The following MTF1 variants were observed in gnomAD, a reference collection of about 807,000 sequenced individuals.
MTF1 encodes metal regulatory transcription factor 1.
Under a neutral mutation model 70.4 loss-of-function variants are expected in MTF1, and 22 were observed. That is an observed-to-expected ratio of 0.31 (90% CI 0.22 to 0.45). The LOEUF (loss-of-function observed/expected upper bound fraction) is 0.45. Among genes scored for constraint, MTF1 ranks in the 20% least tolerant of loss-of-function variants. The pLI, the probability that MTF1 is intolerant of heterozygous loss-of-function variation, is 1.00. For missense variants in MTF1, 649 were observed against 922.0 expected (o/e 0.70, Z 3.83); for synonymous variants, 333 against 352.8 (o/e 0.94, Z 0.63).
chr1:37,819,385 G>C (rs1640874793), intron 9 of MTF1, among the ~76,000 whole-genome samples: 2 of 152,170 alleles, frequency 1.3e-5, no homozygotes, highest in African/African-American at 4.8e-5. Flanking sequence ...CACTTTGGGA[G>C]GCCAAAGCGG....
Position 37,812,836 on chromosome 1 carries a change from G to A in MTF1, c.*2300C>T, listed in dbSNP as rs1455285852. ...CTACCTCAAAACTTCCCATGGGTGC[G>A]AGGCCCAGAGACAGCCAAGGACAAC... On this transcript the variant is annotated 3_prime_UTR_variant, in exon 11 of 11. Transcript: ENST00000373036. The A allele has an allele frequency of 3.3e-5, 5 of 152,232 alleles. No homozygotes were observed. The highest frequency in any genetic ancestry group is 4.4e-5 in the Non-Finnish European group (3 of 68,070). 9.4% of individuals were successfully genotyped at this position (152,232 alleles called of 1,614,324 possible).
rs139035957 is a variant in MTF1, at chr1:37,820,484, C to T, written c.1767+1637G>A. ...CCAGTCACTTAACCTCTCTGGACCTCTGCTCTCCATTGGGAAAATTAGACC... is the reference window on the plus strand; with the variant it reads ...CCAGTCACTTAACCTCTCTGGACCTTTGCTCTCCATTGGGAAAATTAGACC... On this transcript the variant is annotated intron_variant, in intron 9 of 10. Coordinates refer to ENST00000373036, the MANE Select transcript of MTF1 (RefSeq NM_005955.3). 9.2e-3 allele frequency among the ~76,000 whole-genome samples: 1,401 copies of T among 152,324 alleles called. 20 individuals carry two copies. Among genetic ancestry groups the T allele is most frequent in the African/African-American group, 0.032 (1,331 of 41,572 alleles).
rs766621404 is a variant in MTF1, at chr1:37,819,951, C to CAAAAA, written c.1767+2165_1767+2169dup. 7.3e-4 allele frequency among the ~76,000 whole-genome samples: 60 copies of CAAAAA among 82,666 alleles called. 1 individual carries two copies. The highest frequency in any genetic ancestry group is 1.4e-3 in the East Asian group (4 of 2,812). 54.2% of individuals were successfully genotyped at this position (82,666 alleles called of 152,430 possible). ...TAGGCAACAGAGCAAGACTCTGACT[C>CAAAAA]AAAAAAAAAAAAAAAAAAAAAAAAA... On this transcript the variant is annotated intron_variant, in intron 9 of 10. Transcript: ENST00000373036.
chr1:37,836,458 A>G (rs753261859), intron 4 of MTF1, among the ~76,000 whole-genome samples: 2 of 152,122 alleles, frequency 1.3e-5, no homozygotes, highest in Non-Finnish European at 2.9e-5. Context: ...CAATCAGAAG[A>G]TAGGCTCAAG....
At chr1:37,845,690 A>C (rs1641321612) in intron 2 of MTF1, among the ~76,000 whole-genome samples, 1 of 152,096 alleles carries the variant, frequency 6.6e-6, no homozygotes. Flanking sequence ...TTTTTTGTAG[A>C]GATGGGGTCT....
chr1:37,853,690 T>C (rs377491983), intron 2 of MTF1, among the ~76,000 whole-genome samples: 1 of 152,224 alleles, frequency 6.6e-6, no homozygotes, highest in Non-Finnish European at 1.5e-5. Context: ...AAATTGTATG[T>C]ATTCTTTAAG....
Position 37,859,553 on chromosome 1 carries a change from GGCA to G in MTF1, c.-77_-75del, listed in dbSNP as rs1641571916. ...TACCTCCGCGGCTCCCGGCAACGGC[GGCA>G]GCAGCAGCTTCTCCCCTCCCCAGCG... On this transcript the variant is annotated 5_prime_UTR_variant, in exon 1 of 11. Transcript: ENST00000373036. 1.0e-5 allele frequency: 4 copies of G among 399,034 alleles called. No individual in the cohort carries two copies. Among genetic ancestry groups the G allele is most frequent in the Non-Finnish European group, 1.8e-5 (4 of 226,420 alleles). The allele number at this position is 399,034 out of a possible 1,614,324, so 24.7% of individuals were successfully genotyped here. A position where few individuals can be genotyped will look rare whatever the true frequency, so the allele number is the denominator to read the frequency against.
chr1:37,814,962 T>C lies in MTF1; in HGVS notation c.*174A>G. On this transcript the variant is annotated 3_prime_UTR_variant, in exon 11 of 11. Transcript: ENST00000373036. ...TTGTTTTTTGTTTTTTTCCAAAGAA[T>C]AGTTCCTTAAAATGGATGCTCCTGG... 1 of 610,446 alleles carries C rather than the reference T, an allele frequency of 1.6e-6. No individual in the cohort carries two copies. The allele number at this position is 610,446 out of a possible 1,614,324, so 37.8% of individuals were successfully genotyped here.
intron 2 of MTF1, among the ~76,000 whole-genome samples, chr1:37,856,455 T>A (rs1641496170): frequency 6.7e-6 from 1 of 149,142 alleles, no homozygotes; most frequent in Admixed American, 6.7e-5. Context: ...CAGAAAGTGT[T>A]AGGATTACAG....
At chr1:37,827,951 G>A (rs1170422259) in intron 7 of MTF1, among the ~76,000 whole-genome samples, 1 of 152,066 alleles carries the variant, frequency 6.6e-6, no homozygotes, top group African/African-American at 2.4e-5. Flanking sequence ...TATTCATAAT[G>A]GCTCCAAACT....
rs1237121344 is a variant in MTF1, at chr1:37,815,079, T to C, written c.*57A>G. 2.1e-6 allele frequency: 3 copies of C among 1,429,360 alleles called. No individual in the cohort carries two copies. The highest frequency in any genetic ancestry group is 2.3e-5 in the East Asian group (1 of 43,698). The allele number at this position is 1,429,360 out of a possible 1,614,324, so 88.5% of individuals were successfully genotyped here. The stretch of plus-strand genomic sequence containing the variant: ...ATTTCTGACCCATGATGGCAGGCAT[T>C]GTACCTCATGCCTCCTGCTCACCCG... On this transcript the variant is annotated 3_prime_UTR_variant, in exon 11 of 11. Transcript: ENST00000373036. The surrounding 1 kb of genome is among the most constrained non-coding windows in gnomAD (Gnocchi z 4.5).
In MTF1 at chr1:37,825,528, C is replaced by T. The variant is rs375698418; in HGVS notation, c.1069-1716G>A. On this transcript the variant is annotated intron_variant, in intron 7 of 10. Coordinates refer to ENST00000373036, the MANE Select transcript of MTF1 (RefSeq NM_005955.3). The stretch of plus-strand genomic sequence containing the variant: ...CTGGGATTATAGGTGTGAGCCACCA[C>T]ATCAGACCCAGAAATTTTGATTTTT... Among the ~76,000 whole-genome samples, 24 of 152,320 alleles carry T rather than the reference C, an allele frequency of 1.6e-4. 1 individual carries two copies. Among genetic ancestry groups the T allele is most frequent in the Admixed American group, 3.9e-4 (6 of 15,300 alleles).
At chr1:37,859,310 A>T (rs1439315657) in intron 1 of MTF1, among the ~76,000 whole-genome samples, 1 of 152,134 alleles carries the variant, frequency 6.6e-6, no homozygotes, top group Non-Finnish European at 1.5e-5. Context: ...ATCCGAAGAC[A>T]AGCTGGGGGT....
chr1:37,851,392 C>T (rs1239039764), intron 2 of MTF1, among the ~76,000 whole-genome samples: 1 of 152,182 alleles, frequency 6.6e-6, no homozygotes, highest in East Asian at 1.9e-4. Flanking sequence ...AATGGCAAAC[C>T]AGACTTGCAA....
chr1:37,824,222 T>C (rs567904366), intron 7 of MTF1, among the ~76,000 whole-genome samples: 19 of 152,330 alleles, frequency 1.2e-4, no homozygotes, highest in African/African-American at 4.6e-4. Flanking sequence ...TAAAGTTTTA[T>C]TGGAACACGG....
intron 2 of MTF1, among the ~76,000 whole-genome samples, chr1:37,848,806 C>G (rs1043194850): frequency 6.6e-6 from 1 of 152,158 alleles, no homozygotes; most frequent in Non-Finnish European, 1.5e-5. Context: ...CATCAGAGTT[C>G]AGAAGGGAAC....
At chr1:37,819,275 G>A (rs1034388467) in intron 9 of MTF1, among the ~76,000 whole-genome samples, 1 of 152,218 alleles carries the variant, frequency 6.6e-6, no homozygotes, top group Admixed American at 6.5e-5. Context: ...CTGTGAGGAT[G>A]AAATGAGATG....
intron 5 of MTF1, 138 bp from the exon 6 acceptor site, chr1:37,835,353 A>G: frequency 1.4e-6 from 1 of 722,698 alleles, no homozygotes; most frequent in East Asian, 2.6e-5. Context: ...AATAAATTAC[A>G]CATTAATCAT....
At position 37,815,567 on chromosome 1, in the gene MTF1, C is replaced by A; in HGVS notation, c.1832-1G>T. 1 of 1,524,426 alleles carries A rather than the reference C, an allele frequency of 6.6e-7. No homozygotes were observed. The highest frequency in any genetic ancestry group is 1.3e-5 in the South Asian group (1 of 75,302). 94.4% of individuals were successfully genotyped at this position (1,524,426 alleles called of 1,614,324 possible). On this transcript the variant is annotated splice_acceptor_variant, in intron 10 of 10. Coordinates refer to ENST00000373036, the MANE Select transcript of MTF1 (RefSeq NM_005955.3). LOFTEE classifies it high-confidence loss of function. The surrounding 1 kb of genome is among the most constrained non-coding windows in gnomAD (Gnocchi z 4.5). The stretch of plus-strand genomic sequence containing the variant: ...AGGCCAATCTGCTGGACAGAGCTCC[C>A]TGCGAGAGAGGCAAGAGAGACTGCT...
Sources: allele counts gnomAD v4.1 joint callset (sites outside exome capture counted in the v4.1 genomes callset), GRCh38; gene constraint gnomAD v4.1.1; non-coding constraint Gnocchi (gnomAD v3.1); transcripts MANE v1.5; gene names NCBI Gene and HGNC (gene_info 2026-07-23, HGNC 2026-07-21).